CELF2: variants seen among roughly 807,000 people sequenced by gnomAD.
CELF2 encodes the protein CUG triplet repeat RNA-binding protein 2.
A neutral mutation model predicts 62.6 loss-of-function variants in CELF2; 8 were observed. That is an observed-to-expected ratio of 0.13 (90% CI 0.07 to 0.23). The LOEUF is 0.23. Among genes scored for constraint, CELF2 ranks in the 10% least tolerant of loss-of-function variants. CELF2 has a pLI of 1.00. For missense variants in CELF2, 333 were observed against 671.0 expected (o/e 0.50, Z 5.56); for synonymous variants, 258 against 250.0 (o/e 1.03, Z -0.30).
intron 8 of CELF2, among the ~76,000 whole-genome samples, chr10:11,282,716 C>T (rs116033281): frequency 0.021 from 3,252 of 152,338 alleles, 114 homozygotes; most frequent in African/African-American, 0.074. Context: ...AAGGTGCAAA[C>T]AGGTAACGAG....
chr10:11,225,058 A>G (rs2066033839), intron 3 of CELF2, among the ~76,000 whole-genome samples: 1 of 152,312 alleles, frequency 6.6e-6, no homozygotes, highest in East Asian at 1.9e-4. Flanking sequence ...TGGTCATAGC[A>G]TACAGGTGCC....
At chr10:10,567,537 TC>T in the CELF2 span, among the ~76,000 whole-genome samples, 1 of 152,166 alleles carries the variant, frequency 6.6e-6, no homozygotes, top group Non-Finnish European at 1.5e-5. Context: ...AACAGAGGCT[TC>T]AGCAGGCTAC....
intron 2 of CELF2, among the ~76,000 whole-genome samples, chr10:11,208,994 C>G (rs1021650348): frequency 2.0e-5 from 3 of 152,118 alleles, no homozygotes; most frequent in Admixed American, 6.5e-5. Flanking sequence ...TTATAGTGTT[C>G]AGTTTAAAGG....
At chr10:10,900,190 A>G (rs572176030) in intron 1 of CELF2, among the ~76,000 whole-genome samples, 1 of 152,376 alleles carries the variant, frequency 6.6e-6, no homozygotes, top group African/African-American at 2.4e-5. Context: ...AAACTCTTTC[A>G]GAAAACTAAA....
chr10:11,055,903 A>G (rs2065138052), intron 1 of CELF2, among the ~76,000 whole-genome samples: 1 of 152,248 alleles, frequency 6.6e-6, no homozygotes, highest in East Asian at 1.9e-4. Context: ...ACTCACTACA[A>G]GCAATGCTTA....
rs1222690582 is a variant in CELF2 at position 11,296,442 on chromosome 10, T to C, written c.976+7890T>C. 6.6e-6 allele frequency among the ~76,000 whole-genome samples: 1 copy of C among 152,182 alleles called. No individual in the cohort carries two copies. Among genetic ancestry groups the C allele is most frequent in the Non-Finnish European group, 1.5e-5 (1 of 68,028 alleles). On this transcript the variant is annotated intron_variant, in intron 9 of 12. Coordinates refer to ENST00000633077, the MANE Select transcript of CELF2 (RefSeq NM_001326342.2). This position sits in a 1 kb window ranked among gnomAD's most constrained non-coding sequence, Gnocchi z 5.0. ...CACAGAAATTTTTATTTCTGTGATC[T>C]TGTATGATACAAACATGTTATCACC...
Position 11,319,984 on chromosome 10 carries a change from C to G in CELF2, c.1097-1205C>G, listed in dbSNP as rs2095336967. On this transcript the variant is annotated intron_variant, in intron 10 of 12. Coordinates refer to ENST00000633077, the MANE Select transcript of CELF2 (RefSeq NM_001326342.2). This position sits in a 1 kb window ranked among gnomAD's most constrained non-coding sequence, Gnocchi z 4.4. Reference sequence around the variant, plus strand: ...CCTCCATTCTCATTAGACTTCTTACCTATTTTTTCAGTTAGCCATCCTTGC... The same window carrying G: ...CCTCCATTCTCATTAGACTTCTTACGTATTTTTTCAGTTAGCCATCCTTGC... 3 of 392,700 alleles carry G rather than the reference C, an allele frequency of 7.6e-6. No individual in the cohort carries two copies. The highest frequency in any genetic ancestry group is 4.7e-4 in the Middle Eastern group (1 of 2,138). 24.3% of individuals were successfully genotyped at this position (392,700 alleles called of 1,614,324 possible). A position where few individuals can be genotyped will look rare whatever the true frequency, so the allele number is the denominator to read the frequency against.
chr10:10,562,934 T>C, the CELF2 span, among the ~76,000 whole-genome samples: 1 of 148,254 alleles, frequency 6.7e-6, no homozygotes, highest in Non-Finnish European at 1.5e-5. Flanking sequence ...CATTTTTTTT[T>C]TTTAAAGCTA....
rs1247753375 is a variant in CELF2, at chr10:11,267,899, C to T, written c.618+1222C>T. ...GCATTGCAAAGCCTATTGTCTTTTT[C>T]GAACATTGATCTTGACTTTGATATT... On this transcript the variant is annotated intron_variant, in intron 6 of 12. Coordinates refer to ENST00000633077, the MANE Select transcript of CELF2 (RefSeq NM_001326342.2). The surrounding 1 kb of genome is among the most constrained non-coding windows in gnomAD (Gnocchi z 4.4). 6.6e-6 allele frequency among the ~76,000 whole-genome samples: 1 copy of T among 152,078 alleles called. No homozygotes were observed. Among genetic ancestry groups the T allele is most frequent in the Non-Finnish European group, 1.5e-5 (1 of 68,000 alleles).
At chr10:10,524,831 G>A in the CELF2 span, among the ~76,000 whole-genome samples, 5 of 152,216 alleles carry the variant, frequency 3.3e-5, no homozygotes, top group African/African-American at 1.2e-4. Context: ...TATTTCTGGA[G>A]GAGAGGGGCC....
intron 2 of CELF2, chr10:11,171,127 C>T (rs765080004): frequency 6.6e-6 from 1 of 152,182 alleles, no homozygotes. Context: ...AAGGAAAAAA[C>T]TTCCTTTTTT....
chr10:10,532,527 G>C, the CELF2 span, among the ~76,000 whole-genome samples: 1 of 152,212 alleles, frequency 6.6e-6, no homozygotes, highest in Non-Finnish European at 1.5e-5. Context: ...AAGGCAAAGT[G>C]TATTGTGATA....
At chr10:10,881,297 G>T (rs184888503) in intron 1 of CELF2, among the ~76,000 whole-genome samples, 73 of 152,328 alleles carry the variant, frequency 4.8e-4, no homozygotes, top group Non-Finnish European at 4.0e-4. Flanking sequence ...GTCCAAGCAA[G>T]ACTTACAGTT....
At chr10:11,033,437 A>G (rs907326216) in intron 1 of CELF2, among the ~76,000 whole-genome samples, 2 of 152,020 alleles carry the variant, frequency 1.3e-5, no homozygotes, top group Non-Finnish European at 2.9e-5. Flanking sequence ...TTGTATTTTT[A>G]GTAGAGTCAG....
At chr10:10,485,513 A>C in the CELF2 span, among the ~76,000 whole-genome samples, 1 of 152,228 alleles carries the variant, frequency 6.6e-6, no homozygotes, top group Non-Finnish European at 1.5e-5. Context: ...TGCCATTCAC[A>C]AAGCAGTCCA....
At chr10:10,752,260 C>T in the CELF2 span, among the ~76,000 whole-genome samples, 1 of 152,192 alleles carries the variant, frequency 6.6e-6, no homozygotes, top group Admixed American at 6.5e-5. Context: ...GCTAAAGTAC[C>T]CATCACAGTG....
At chr10:10,693,530 T>G in the CELF2 span, among the ~76,000 whole-genome samples, 11 of 151,960 alleles carry the variant, frequency 7.2e-5, no homozygotes, top group Admixed American at 5.9e-4. Flanking sequence ...CCTCATAAAA[T>G]GAGTTAGGGA....
At chr10:10,652,996 G>A in the CELF2 span, among the ~76,000 whole-genome samples, 43 of 152,194 alleles carry the variant, frequency 2.8e-4, no homozygotes, top group African/African-American at 1.0e-3. Context: ...GACACACATA[G>A]GCTCAAAATA....
intron 1 of CELF2, among the ~76,000 whole-genome samples, chr10:11,160,958 C>T (rs2065586176): frequency 6.6e-6 from 1 of 152,080 alleles, no homozygotes; most frequent in Non-Finnish European, 1.5e-5. Context: ...TTGCATTCTC[C>T]CAAAGGAAGC....
Sources: allele counts gnomAD v4.1 joint callset (sites outside exome capture counted in the v4.1 genomes callset), GRCh38; gene constraint gnomAD v4.1.1; non-coding constraint Gnocchi (gnomAD v3.1); transcripts MANE v1.5; gene names NCBI Gene and HGNC (gene_info 2026-07-23, HGNC 2026-07-21).